EEPD1: variants seen among roughly 807,000 people sequenced by gnomAD.
The protein encoded by EEPD1 is endonuclease/exonuclease/phosphatase family domain containing 1.
Under a neutral mutation model 46.3 loss-of-function variants are expected in EEPD1, and 17 were observed. The observed-to-expected ratio is 0.37, with a 90% CI of 0.25 to 0.55. EEPD1 has a LOEUF of 0.55. EEPD1 is among the 20% of genes least tolerant of loss of function. The pLI is 0.83. For missense variants in EEPD1, 673 were observed against 745.6 expected, an observed-to-expected ratio of 0.90 and a Z score of 1.13; for synonymous variants, 313 against 315.6, an observed-to-expected ratio of 0.99 and a Z score of 0.09.
In EEPD1 at chr7:36,157,403, C is replaced by T. The variant is rs557390434; in HGVS notation, c.878+2201C>T. Reference sequence around the variant, plus strand: ...TGAGCAAAGACGGCTGGCCTCAGCGCTGGCTCCACCCTGCAGCCCACTGAG... The same window carrying T: ...TGAGCAAAGACGGCTGGCCTCAGCGTTGGCTCCACCCTGCAGCCCACTGAG... On this transcript the variant is annotated intron_variant, in intron 2 of 7. Transcript: ENST00000242108. Among the ~76,000 whole-genome samples, 3 of 152,366 alleles carry T rather than the reference C, an allele frequency of 2.0e-5. No homozygotes were observed. The South Asian group carries it at 6.2e-4, about 32-fold the overall frequency.
intron 2 of EEPD1, among the ~76,000 whole-genome samples, chr7:36,181,760 C>T (rs1365709604): frequency 1.3e-5 from 2 of 152,212 alleles, no homozygotes; most frequent in East Asian, 3.8e-4. Context: ...AAGTTCAAGG[C>T]TCCCTTTTTC....
intron 2 of EEPD1, among the ~76,000 whole-genome samples, chr7:36,175,318 A>G (rs1371835429): frequency 6.6e-6 from 1 of 152,084 alleles, no homozygotes; most frequent in East Asian, 1.9e-4. Flanking sequence ...GCGGCCTCGA[A>G]CTCCTGGGCT....
rs1787572307 is a variant in EEPD1 at position 36,298,996 on chromosome 7, T to C, written c.1511-11T>C. 2.5e-6 allele frequency: 4 copies of C among 1,613,264 alleles called. No homozygotes were observed. The highest frequency in any genetic ancestry group is 3.4e-6 in the Non-Finnish European group (4 of 1,179,678). ...CCTGATTCCCGGTCTCTTTCCTTCC[T>C]CTCCCTTCAGGTCACTGGGCTGTGG... On this transcript the variant is annotated splice_polypyrimidine_tract_variant and intron_variant, in intron 7 of 7. Coordinates refer to ENST00000242108, the MANE Select transcript of EEPD1 (RefSeq NM_030636.3).
chr7:36,257,131 G>T (rs1786838896), intron 3 of EEPD1, among the ~76,000 whole-genome samples: 1 of 152,170 alleles, frequency 6.6e-6, no homozygotes, highest in Non-Finnish European at 1.5e-5. Flanking sequence ...TTTTCTTTAA[G>T]AATGTTGAAT....
chr7:36,161,991 G>T (rs2726048), intron 2 of EEPD1, among the ~76,000 whole-genome samples: 4 of 151,968 alleles, frequency 2.6e-5, no homozygotes, highest in African/African-American at 9.7e-5. Context: ...TAAAATGATA[G>T]ATTTTACTGA....
At position 36,212,053 on chromosome 7, in the gene EEPD1, A is replaced by C. The variant is rs535890699; in HGVS notation, c.879-26932A>C. 4.6e-5 allele frequency among the ~76,000 whole-genome samples: 7 copies of C among 152,360 alleles called. No homozygotes were observed. In the South Asian group the frequency reaches 1.4e-3, roughly 32 times the overall value. On this transcript the variant is annotated intron_variant, in intron 2 of 7. Transcript: ENST00000242108. ...AGCCTGTAATATAGAAATTACTTAC[A>C]TAAATCTAAAGGGAAGGTCATTTAT...
chr7:36,222,213 G>T (rs762994394), intron 2 of EEPD1, among the ~76,000 whole-genome samples: 4 of 152,070 alleles, frequency 2.6e-5, no homozygotes, highest in African/African-American at 9.7e-5. Flanking sequence ...CAAGTATTTT[G>T]TATGTCATAT....
chr7:36,167,678 G>T (rs4723487), intron 2 of EEPD1, among the ~76,000 whole-genome samples: 45,796 of 151,768 alleles, frequency 0.3, 7,339 homozygotes, highest in African/African-American at 0.43. Flanking sequence ...CCAATTTCAG[G>T]TAGAGATTTA....
intron 2 of EEPD1, among the ~76,000 whole-genome samples, chr7:36,203,025 C>T (rs908790659): frequency 2.6e-5 from 4 of 152,158 alleles, no homozygotes; most frequent in African/African-American, 9.7e-5. Context: ...TCAGGTGAGG[C>T]GGGATGTGCT....
intron 2 of EEPD1, among the ~76,000 whole-genome samples, chr7:36,232,727 G>A (rs1468772566): frequency 6.6e-6 from 1 of 151,178 alleles, no homozygotes; most frequent in African/African-American, 2.4e-5. Flanking sequence ...GAGGCTGGGG[G>A]GTTGGAGGGT....
intron 3 of EEPD1, 84 bp from the exon 4 acceptor site, chr7:36,281,031 C>A: frequency 9.4e-7 from 1 of 1,066,722 alleles, no homozygotes; most frequent in Non-Finnish European, 1.4e-6. Context: ...CAGAATCATG[C>A]AGTGCCTGGC....
chr7:36,222,451 G>A (rs1192408214), intron 2 of EEPD1, among the ~76,000 whole-genome samples: 1 of 152,152 alleles, frequency 6.6e-6, no homozygotes, highest in Non-Finnish European at 1.5e-5. Flanking sequence ...AAATCCACCT[G>A]TAAGTAGACC....
chr7:36,298,697 A>C (rs1309852032), intron 7 of EEPD1, among the ~76,000 whole-genome samples: 1 of 152,212 alleles, frequency 6.6e-6, no homozygotes, highest in East Asian at 1.9e-4. Context: ...TTGTGATCAG[A>C]TTCACAGCAG....
At chr7:36,298,258 G>A (rs543508478) in intron 7 of EEPD1, among the ~76,000 whole-genome samples, 2 of 152,330 alleles carry the variant, frequency 1.3e-5, no homozygotes, top group African/African-American at 2.4e-5. Context: ...GAGAGCTGGG[G>A]AAGCTGAGCC....
In EEPD1 at chr7:36,154,693, G is replaced by A. The variant is rs766521075; in HGVS notation, c.369G>A (p.Gln123=). 3.5e-5 allele frequency: 56 copies of A among 1,613,604 alleles called. No individual in the cohort carries two copies. Among genetic ancestry groups the A allele is most frequent in the Non-Finnish European group, 4.7e-5 (55 of 1,179,992 alleles). Residue 123 remains glutamine, a synonymous_variant, in exon 2 of 8, where the codon CAG becomes CAA. Transcript: ENST00000242108. This position sits in a 1 kb window ranked among gnomAD's most constrained non-coding sequence, Gnocchi z 4.2. ...GGCGGGACCTGCTAGCGGAGCAGCA[G>A]CCTCACCACCTGGCCACAGCTGTGC... ...SLRRDLLAEQ[Q]PHHLATAVPL...
intron 2 of EEPD1, among the ~76,000 whole-genome samples, chr7:36,212,924 A>C (rs1397322252): frequency 6.6e-6 from 1 of 152,214 alleles, no homozygotes; most frequent in African/African-American, 2.4e-5. Flanking sequence ...AGGCCAAGGC[A>C]GGCAGATCGC....
At chr7:36,181,076 G>A (rs930992854) in intron 2 of EEPD1, among the ~76,000 whole-genome samples, 1 of 152,262 alleles carries the variant, frequency 6.6e-6, no homozygotes, top group East Asian at 1.9e-4. Context: ...ACCATTGTAG[G>A]TAGCCTGGAG....
chr7:36,223,749 CAG>C (rs932776658), intron 2 of EEPD1, among the ~76,000 whole-genome samples: 43 of 152,136 alleles, frequency 2.8e-4, no homozygotes, highest in South Asian at 4.1e-4. Context: ...AGCCAAGGGT[CAG>C]GGGGAGAAGG....
chr7:36,219,747 C>T (rs1458339529), intron 2 of EEPD1, among the ~76,000 whole-genome samples: 1 of 140,690 alleles, frequency 7.1e-6, no homozygotes, highest in East Asian at 2.1e-4. Context: ...TGATAGTTGG[C>T]CAGCATGCAT....
Sources: allele counts gnomAD v4.1 joint callset (sites outside exome capture counted in the v4.1 genomes callset), GRCh38; gene constraint gnomAD v4.1.1; non-coding constraint Gnocchi (gnomAD v3.1); transcripts MANE v1.5; gene names NCBI Gene and HGNC (gene_info 2026-07-23, HGNC 2026-07-21).